The following PCDH10 variants were observed in gnomAD, a reference collection of about 807,000 sequenced individuals.
PCDH10 encodes the protein protocadherin 10.
A neutral mutation model predicts 74.4 loss-of-function variants in PCDH10; 15 were observed. The observed-to-expected ratio is 0.20, with a 90% CI of 0.13 to 0.31. The LOEUF (loss-of-function observed/expected upper bound fraction) is 0.31. Ranked by LOEUF, PCDH10 falls within the 10% of genes least tolerant of loss-of-function variation. The pLI is 1.00. For synonymous variants in PCDH10, 619 were observed against 589.8 expected, an observed-to-expected ratio of 1.05 and a Z score of -0.72; for missense variants, 1,260 against 1,390.2, an observed-to-expected ratio of 0.91 and a Z score of 1.49.
At chr4:133,161,043 A>G (rs1436709248) in intron 3 of PCDH10, among the ~76,000 whole-genome samples, 3 of 151,752 alleles carry the variant, frequency 2.0e-5, no homozygotes, top group African/African-American at 7.3e-5. Context: ...TTTTCTTTTC[A>G]CATATCTTCT....
chr4:133,168,517 A>G (rs1727134801), intron 4 of PCDH10, among the ~76,000 whole-genome samples: 1 of 151,546 alleles, frequency 6.6e-6, no homozygotes, highest in Non-Finnish European at 1.5e-5. Context: ...AATTGACTTT[A>G]TTTTGACAAT....
intron 4 of PCDH10, among the ~76,000 whole-genome samples, chr4:133,183,049 T>A (rs1032593283): frequency 3.9e-5 from 6 of 151,984 alleles, no homozygotes. Flanking sequence ...AAATGATTAC[T>A]CTGTGTTTTT....
intron 4 of PCDH10, among the ~76,000 whole-genome samples, chr4:133,168,256 G>A (rs1727127894): frequency 6.6e-6 from 1 of 151,172 alleles, no homozygotes; most frequent in African/African-American, 2.4e-5. Context: ...AAACACAGCA[G>A]TTGTTTTATA....
chr4:133,179,445 A>G (rs2125869574), intron 4 of PCDH10, among the ~76,000 whole-genome samples: 2 of 152,210 alleles, frequency 1.3e-5, no homozygotes, highest in East Asian at 3.9e-4. Context: ...GTTTCACATC[A>G]TTTAATAATT....
chr4:133,166,127 TGTTGTA>T, intron 4 of PCDH10, among the ~76,000 whole-genome samples: 1 of 151,770 alleles, frequency 6.6e-6, no homozygotes, highest in Admixed American at 6.6e-5. Flanking sequence ...TTTCCTATAA[TGTTGTA>T]GTTTGCTAAG....
intron 4 of PCDH10, among the ~76,000 whole-genome samples, chr4:133,184,587 C>A (rs1005248672): frequency 2.6e-5 from 4 of 150,962 alleles, no homozygotes; most frequent in Middle Eastern, 3.2e-3. Context: ...CACAGCACTG[C>A]ACACCAGAGC....
At chr4:133,167,503 T>G (rs1178862566) in intron 4 of PCDH10, among the ~76,000 whole-genome samples, 2 of 151,530 alleles carry the variant, frequency 1.3e-5, no homozygotes, top group Admixed American at 1.3e-4. Context: ...TTAAATATAC[T>G]CTCACTATCC....
downstream of PCDH10, among the ~76,000 whole-genome samples, chr4:133,198,876 A>G (rs927853239): frequency 2.0e-5 from 3 of 152,162 alleles, no homozygotes; most frequent in African/African-American, 7.2e-5. Flanking sequence ...TGTGTGTGTG[A>G]GAAAGCATTT....
At chr4:133,184,058 T>C (rs943162806) in intron 4 of PCDH10, among the ~76,000 whole-genome samples, 4 of 152,110 alleles carry the variant, frequency 2.6e-5, no homozygotes, top group Admixed American at 2.6e-4. Flanking sequence ...TAAAAATAAA[T>C]ACCTGCCTTT....
rs886755421 is a variant in PCDH10 at position 133,193,002 on chromosome 4, C to T, written c.*2842C>T. 7.2e-5 allele frequency: 10 copies of T among 139,206 alleles called. No individual in the cohort carries two copies. Among genetic ancestry groups the T allele is most frequent in the South Asian group, 2.2e-4 (1 of 4,538 alleles). 8.6% of individuals were successfully genotyped at this position (139,206 alleles called of 1,614,324 possible). A position where few individuals can be genotyped will look rare whatever the true frequency, so the allele number is the denominator to read the frequency against. ...ATATCCATCGTATTAGACAGTATTT[C>T]GTCAATAAATTATTTCAGAAAAAAA... On this transcript the variant is annotated 3_prime_UTR_variant, in exon 5 of 5. Transcript: ENST00000264360.
At chr4:133,178,922 G>A (rs1191649845) in intron 4 of PCDH10, among the ~76,000 whole-genome samples, 5 of 152,068 alleles carry the variant, frequency 3.3e-5, no homozygotes, top group East Asian at 1.9e-4. Context: ...AAAAGTTCCT[G>A]TACTCTTTTA....
chr4:133,172,362 A>G (rs1053733550), intron 4 of PCDH10, among the ~76,000 whole-genome samples: 6 of 152,022 alleles, frequency 3.9e-5, no homozygotes, highest in African/African-American at 1.4e-4. Context: ...TACTATTTAT[A>G]TTCCCAATTG....
Position 133,152,205 on chromosome 4 carries a change from G to GGCGGGA in PCDH10, c.2070_2075dup (p.Ser691_Gly692dup), listed in dbSNP as rs1726728542. ...TGGCGCCGTGGAGCCCCAGGGCGGG[G>GGCGGGA]GCGGGAGCGGAGGCGGAGGGTCAGG... On this transcript the variant is annotated inframe_insertion, in exon 1 of 5. Transcript: ENST00000264360. The GGCGGGA allele has an allele frequency of 3.2e-6, 5 of 1,584,270 alleles. No individual in the cohort carries two copies. In the Admixed American group the frequency reaches 5.2e-5, roughly 17 times the overall value.
chr4:133,203,094 T>C (rs1209624367), intron 2 of PCDH10, among the ~76,000 whole-genome samples: 1 of 152,118 alleles, frequency 6.6e-6, no homozygotes, highest in Non-Finnish European at 1.5e-5. Context: ...AAGCTCAATG[T>C]CTATGAGAGT....
Position 133,151,682 on chromosome 4 carries a change from C to T in PCDH10, c.1542C>T (p.Thr514=). The change falls in exon 1 of 5, where the codon ACC becomes ACT. Residue 514 remains threonine (T), a synonymous_variant. Transcript: ENST00000264360. ...ECQIQGMSVF[T]YVSINSENGY... ...AGATCCAGGGCATGAGCGTCTTCAC[C>T]TACGTTTCTATCAACTCTGAGAACG... 6.2e-7 allele frequency: 1 copy of T among 1,613,576 alleles called. No homozygotes were observed. The highest frequency in any genetic ancestry group is 8.5e-7 in the Non-Finnish European group (1 of 1,180,050).
chr4:133,199,579 C>T (rs1441927238), downstream of PCDH10, among the ~76,000 whole-genome samples: 1 of 149,974 alleles, frequency 6.7e-6, no homozygotes, highest in African/African-American at 2.4e-5. Flanking sequence ...CGGATGTTTT[C>T]TTCTTTGCCG....
At chr4:133,194,707 G>A (rs558060586), downstream of PCDH10, 53 of 152,016 alleles carry the variant, frequency 3.5e-4, no homozygotes, top group African/African-American at 1.3e-3. Flanking sequence ...AACATCTAAT[G>A]CTGATTTAGT....
chr4:133,163,820 G>A (rs993096847), intron 4 of PCDH10: 1 of 396,184 alleles, frequency 2.5e-6, no homozygotes, highest in Non-Finnish European at 4.9e-6. Context: ...GAGACAGATT[G>A]TAGATATGTC....
At chr4:133,167,119 G>A (rs1420342477) in intron 4 of PCDH10, among the ~76,000 whole-genome samples, 2 of 151,132 alleles carry the variant, frequency 1.3e-5, no homozygotes, top group Non-Finnish European at 1.5e-5. Context: ...TCAACTTGAC[G>A]CACCCATATG....
Sources: allele counts gnomAD v4.1 joint callset (sites outside exome capture counted in the v4.1 genomes callset), GRCh38; gene constraint gnomAD v4.1.1; transcripts MANE v1.5; gene names NCBI Gene and HGNC (gene_info 2026-07-23, HGNC 2026-07-21).